The following CNOT6 variants were observed in gnomAD, a reference collection of about 807,000 sequenced individuals.
The protein encoded by CNOT6 is CCR4-NOT transcription complex subunit 6.
Under a neutral mutation model 61.2 loss-of-function variants are expected in CNOT6, and 12 were observed. The ratio of observed to expected loss-of-function variants is 0.20; its 90% CI spans 0.13 to 0.32. The LOEUF (loss-of-function observed/expected upper bound fraction) is 0.32. Ranked by LOEUF, CNOT6 falls within the 10% of genes least tolerant of loss-of-function variation. The pLI, the probability that CNOT6 is intolerant of heterozygous loss-of-function variation, is 1.00. For synonymous variants in CNOT6, 225 were observed against 240.6 expected (o/e 0.94, Z 0.60); for missense variants, 405 against 663.9 (o/e 0.61, Z 4.28).
At chr5:180,502,852 C>T (rs1756941027) in intron 1 of CNOT6, among the ~76,000 whole-genome samples, 1 of 152,146 alleles carries the variant, frequency 6.6e-6, no homozygotes, top group Admixed American at 6.5e-5. Context: ...TATTTTTCTT[C>T]TGTAAGGTTA....
chr5:180,565,461 A>G (rs939094776), intron 6 of CNOT6, among the ~76,000 whole-genome samples: 2 of 152,194 alleles, frequency 1.3e-5, no homozygotes, highest in Non-Finnish European at 1.5e-5. Context: ...TAAGGATACT[A>G]CCTATCCAGT....
At chr5:180,518,601 C>T (rs1026214398) in intron 1 of CNOT6, among the ~76,000 whole-genome samples, 1 of 152,148 alleles carries the variant, frequency 6.6e-6, no homozygotes, top group Non-Finnish European at 1.5e-5. Context: ...TCACTGTAGC[C>T]TTGACCTCCC....
intron 4 of CNOT6, among the ~76,000 whole-genome samples, chr5:180,560,922 G>T (rs2387282): frequency 0.34 from 51,471 of 150,812 alleles, 9,483 homozygotes; most frequent in East Asian, 0.51. Flanking sequence ...GTTGTTGTTG[G>T]TGGTGGTGGT....
At chr5:180,552,751 T>G (rs1183101227) in intron 3 of CNOT6, among the ~76,000 whole-genome samples, 1 of 152,214 alleles carries the variant, frequency 6.6e-6, no homozygotes, top group African/African-American at 2.4e-5. Flanking sequence ...CGGCTCACCC[T>G]TGAAGGTTCC....
chr5:180,573,901 A>C, intron 11 of CNOT6, 87 bp from the exon 12 acceptor site: 1 of 900,130 alleles, frequency 1.1e-6, no homozygotes, highest in Non-Finnish European at 1.8e-6. Context: ...CTGTTCACCA[A>C]ACATGACATA....
intron 1 of CNOT6, among the ~76,000 whole-genome samples, chr5:180,514,479 T>A (rs1246593976): frequency 6.6e-6 from 1 of 152,196 alleles, no homozygotes; most frequent in Non-Finnish European, 1.5e-5. Flanking sequence ...TAATTAGGAC[T>A]TGGCTTTAGG....
chr5:180,497,185 G>C (rs1002074332), intron 1 of CNOT6, among the ~76,000 whole-genome samples: 1 of 152,114 alleles, frequency 6.6e-6, no homozygotes, highest in Non-Finnish European at 1.5e-5. Context: ...AAATTAGCCA[G>C]GTGTGGTGGC....
intron 4 of CNOT6, among the ~76,000 whole-genome samples, chr5:180,560,739 T>G (rs574313888): frequency 1.3e-5 from 2 of 152,312 alleles, no homozygotes; most frequent in East Asian, 3.9e-4. Flanking sequence ...TTCACTGTGC[T>G]TCTTGAATCT....
In CNOT6 at chr5:180,510,209, A is replaced by C. The variant is rs773023678; in HGVS notation, c.-3+15446A>C. Among the ~76,000 whole-genome samples, 48 of 120,752 alleles carry C rather than the reference A, an allele frequency of 4.0e-4. 1 individual carries two copies. Among genetic ancestry groups the C allele is most frequent in the Admixed American group, 3.6e-4 (3 of 8,364 alleles). The allele number at this position is 120,752 out of a possible 152,430, so 79.2% of individuals were successfully genotyped here. A position where few individuals can be genotyped will look rare whatever the true frequency, so the allele number is the denominator to read the frequency against. On this transcript the variant is annotated intron_variant, in intron 1 of 11. Coordinates refer to ENST00000261951, the MANE Select transcript of CNOT6 (RefSeq NM_001370472.1). ...TTCTGTGTTGCCCAGGCTGGAGTGC[A>C]GTGGCTATTCACAGGTGCAATGATA...
intron 4 of CNOT6, among the ~76,000 whole-genome samples, chr5:180,554,305 C>T (rs1364871280): frequency 6.6e-6 from 1 of 151,956 alleles, no homozygotes; most frequent in African/African-American, 2.4e-5. Flanking sequence ...GTAGTACCAC[C>T]TACTTGGGAG....
At chr5:180,510,102 C>G (rs1291950848) in intron 1 of CNOT6, among the ~76,000 whole-genome samples, 2 of 138,386 alleles carry the variant, frequency 1.4e-5, no homozygotes, top group African/African-American at 5.4e-5. Flanking sequence ...CCACTAAGGA[C>G]AGCTCCTAAA....
At chr5:180,532,063 G>A (rs28583154) in intron 2 of CNOT6, among the ~76,000 whole-genome samples, 19,502 of 152,216 alleles carry the variant, frequency 0.13, 1,596 homozygotes, top group Middle Eastern at 0.18. Context: ...GTAAGTAGGT[G>A]TGGTCATGGA....
At chr5:180,556,942 C>T (rs549288944) in intron 4 of CNOT6, among the ~76,000 whole-genome samples, 434 of 149,044 alleles carry the variant, frequency 2.9e-3, no homozygotes, top group African/African-American at 0.01. Context: ...GGCAACAGAG[C>T]GAGACTCCGT....
chr5:180,549,644 G>A (rs1158311493), intron 2 of CNOT6, among the ~76,000 whole-genome samples: 2 of 149,912 alleles, frequency 1.3e-5, no homozygotes, highest in Non-Finnish European at 3.0e-5. Context: ...GCGAGACTCC[G>A]TTTCAAAAAA....
chr5:180,550,868 G>A (rs145096126), intron 3 of CNOT6, among the ~76,000 whole-genome samples: 1 of 152,168 alleles, frequency 6.6e-6, no homozygotes, highest in East Asian at 1.9e-4. Context: ...TAAATTTGGG[G>A]GCCTGTAGCA....
chr5:180,566,047 A>C, intron 7 of CNOT6, 70 bp downstream of exon 7: 3 of 1,398,530 alleles, frequency 2.1e-6, no homozygotes, highest in Non-Finnish European at 2.9e-6. Flanking sequence ...CATTACGCTG[A>C]CACATTTGAA....
At chr5:180,502,046 TAGAAG>T (rs2127691595) in intron 1 of CNOT6, among the ~76,000 whole-genome samples, 1 of 152,198 alleles carries the variant, frequency 6.6e-6, no homozygotes, top group South Asian at 2.1e-4. Flanking sequence ...AAATTTAAAC[TAGAAG>T]AGAAGGAAAG....
chr5:180,546,412 C>T (rs1026869995), intron 2 of CNOT6, among the ~76,000 whole-genome samples: 2 of 151,884 alleles, frequency 1.3e-5, no homozygotes, highest in African/African-American at 4.8e-5. Flanking sequence ...TGACTTTTAG[C>T]GATAACTCTT....
intron 2 of CNOT6, 25 bp from the exon 3 acceptor site, chr5:180,549,906 G>A (rs202201152): frequency 4.1e-5 from 64 of 1,548,294 alleles, no homozygotes; most frequent in African/African-American, 2.0e-4. Flanking sequence ...TATATAATCC[G>A]TTCCTGTATT....
Sources: gnomAD v4.1 joint callset for allele counts (sites outside exome capture counted in the v4.1 genomes callset) on GRCh38, gnomAD v4.1.1 for gene constraint, MANE v1.5 for transcripts, NCBI Gene and HGNC (gene_info 2026-07-23, HGNC 2026-07-21) for gene names.